The following KCTD19 variants were observed in gnomAD, a reference collection of about 807,000 sequenced individuals.
KCTD19 encodes the protein BTB/POZ domain-containing protein KCTD19.
KCTD19 carries 67 observed loss-of-function variants against 103.5 expected under a neutral mutation model. The observed-to-expected ratio is 0.65, with a 90% CI of 0.53 to 0.79. The LOEUF is 0.79. Among genes scored for constraint, KCTD19 ranks in the 30% least tolerant of loss-of-function variants. The pLI, the probability that KCTD19 is intolerant of heterozygous loss-of-function variation, is 0.00. For synonymous variants in KCTD19, 439 were observed against 452.2 expected, an observed-to-expected ratio of 0.97 and a Z score of 0.37; for missense variants, 980 against 1,136.1, an observed-to-expected ratio of 0.86 and a Z score of 1.98.
chr16:67,323,170 T>C lies in KCTD19; in HGVS notation c.4-2285A>G, dbSNP rs1453404984. Among the ~76,000 whole-genome samples the C allele has an allele frequency of 6.6e-6, 1 of 152,226 alleles. No individual in the cohort carries two copies. The highest frequency in any genetic ancestry group is 2.4e-5 in the African/African-American group (1 of 41,474). On this transcript the variant is annotated intron_variant, in intron 1 of 15. Transcript: ENST00000304372. This position sits in a 1 kb window ranked among gnomAD's most constrained non-coding sequence, Gnocchi z 4.1. ...CCTGAAAATGTAAAGCATGGAGTTATTCTACTATGAGCCAGCAATTCCACT... is the reference window on the plus strand; with the variant it reads ...CCTGAAAATGTAAAGCATGGAGTTACTCTACTATGAGCCAGCAATTCCACT...
At position 67,296,212 on chromosome 16, in the gene KCTD19, T is replaced by G; in HGVS notation, c.1195A>C (p.Lys399Gln). 6.2e-7 allele frequency: 1 copy of G among 1,613,886 alleles called. No individual in the cohort carries two copies. Among genetic ancestry groups the G allele is most frequent in the Non-Finnish European group, 8.5e-7 (1 of 1,179,780 alleles). ...ITVYSPQQII[K>Q]VYVGSHWYAT... ...TACCAGTGGCTTCCAACATACACTT[T>G]GATGATCTGTTGTGGGGAATACACA... Residue 399 changes from lysine (K) to glutamine (Q), a missense_variant, in exon 8 of 16, where the codon AAA (lysine) becomes CAA (glutamine). By Grantham distance (53) the Lys-to-Gln change is moderately conservative. Coordinates refer to ENST00000304372, the MANE Select transcript of KCTD19 (RefSeq NM_001100915.3).
intron 8 of KCTD19, 180 bp downstream of exon 8, chr16:67,295,979 G>A (rs1221551931): frequency 1.2e-5 from 7 of 569,294 alleles, no homozygotes; most frequent in South Asian, 5.7e-5. Context: ...TCCTGATCTC[G>A]TGATCTGCCC....
intron 2 of KCTD19, among the ~76,000 whole-genome samples, chr16:67,309,851 A>T (rs907634666): frequency 6.6e-5 from 10 of 152,156 alleles, no homozygotes; most frequent in Admixed American, 6.5e-4. Flanking sequence ...GGAGAGAATG[A>T]TCTATTTTGC....
rs371246749 is a variant in KCTD19 at position 67,320,631 on chromosome 16, C to T, written c.258G>A (p.Leu86=). The change falls in exon 2 of 16, where the codon CTG becomes CTA. Residue 86 remains leucine (L), a synonymous_variant. Coordinates refer to ENST00000304372, the MANE Select transcript of KCTD19 (RefSeq NM_001100915.3). The surrounding 1 kb of genome is among the most constrained non-coding windows in gnomAD (Gnocchi z 4.0). ...SFSSCAELNL[L]YEQALGLQLM... ...GCTGCAAACCCAATGCTTGCTCATA[C>T]AGCAAGTTCAGTTCTGCACAACTGG... The T allele has an allele frequency of 4.5e-5, 73 of 1,614,212 alleles. No individual in the cohort carries two copies. The Middle Eastern group carries it at 6.6e-4, about 15-fold the overall frequency.
chr16:67,320,508 C>T lies in KCTD19; in HGVS notation c.300+81G>A. Reference sequence around the variant, plus strand: ...CCATTAAGAGGGTCATCTCAGCAACCAATATATAACAGGAAACAATATTTA... The same window carrying T: ...CCATTAAGAGGGTCATCTCAGCAACTAATATATAACAGGAAACAATATTTA... On this transcript the variant is annotated intron_variant, in intron 2 of 15. Coordinates refer to ENST00000304372, the MANE Select transcript of KCTD19 (RefSeq NM_001100915.3). This position sits in a 1 kb window ranked among gnomAD's most constrained non-coding sequence, Gnocchi z 4.0. 1 of 1,382,186 alleles carries T rather than the reference C, an allele frequency of 7.2e-7. No homozygotes were observed. The highest frequency in any genetic ancestry group is 1.4e-5 in the South Asian group (1 of 73,908). The allele number at this position is 1,382,186 out of a possible 1,614,324, so 85.6% of individuals were successfully genotyped here. A position where few individuals can be genotyped will look rare whatever the true frequency, so the allele number is the denominator to read the frequency against.
At chr16:67,325,689 C>G (rs560807612) in intron 1 of KCTD19, among the ~76,000 whole-genome samples, 64 of 152,260 alleles carry the variant, frequency 4.2e-4, no homozygotes, top group Admixed American at 3.1e-3. Context: ...AAAGACTACT[C>G]AGGGGCTGGT....
rs770505785 is a variant in KCTD19 at position 67,326,729 on chromosome 16, C to T, written c.-22G>A. ...CCATGGTCGCGGCTCCAGCAGCGGG[C>T]GGGCGGGCTTGTGACCCGGCCAATA... On this transcript the variant is annotated 5_prime_UTR_variant, in exon 1 of 16. Transcript: ENST00000304372. 2.5e-6 allele frequency: 4 copies of T among 1,571,520 alleles called. No homozygotes were observed. Among genetic ancestry groups the T allele is most frequent in the East Asian group, 2.5e-5 (1 of 39,648 alleles).
rs2036871718 is a variant in KCTD19 at position 67,304,566 on chromosome 16, T to C, written c.306A>G (p.Leu102=). ...GLQLMPLLQT[L]DNLKEGKHHL... ...GGTGTTTCCCTTCCTTCAGGTTATCTAGAGTCTGTTAGATAATGAAGAGTA... is the reference window on the plus strand; with the variant it reads ...GGTGTTTCCCTTCCTTCAGGTTATCCAGAGTCTGTTAGATAATGAAGAGTA... The change falls in exon 3 of 16, where the codon CTA becomes CTG. Residue 102 remains leucine, a synonymous_variant. Transcript: ENST00000304372. 5 of 1,613,286 alleles carry C rather than the reference T, an allele frequency of 3.1e-6. No individual in the cohort carries two copies. The highest frequency in any genetic ancestry group is 1.3e-5 in the African/African-American group (1 of 74,894).
intron 5 of KCTD19, chr16:67,301,477 C>T (rs531611226): frequency 2.9e-4 from 64 of 221,738 alleles, no homozygotes; most frequent in Admixed American, 1.0e-3. Flanking sequence ...CCTGAGAAGC[C>T]TGCCTTCAGG....
In KCTD19 at chr16:67,291,745, T is replaced by C; in HGVS notation, c.2311A>G (p.Ser771Gly). Residue 771 changes from serine (S) to glycine (G), a missense_variant, in exon 13 of 16, where the codon AGC (serine) becomes GGC (glycine). Coordinates refer to ENST00000304372, the MANE Select transcript of KCTD19 (RefSeq NM_001100915.3). The stretch of plus-strand genomic sequence containing the variant: ...TCAAAGAACATGCAGAAGCCATCGC[T>C]GCCCACCACGGGGGGGTGAGTCACT... Reference protein sequence around the residue: ...LKVTHPPVVGSDGFCMFFEDS... With the variant: ...LKVTHPPVVGGDGFCMFFEDS... 6.2e-7 allele frequency: 1 copy of C among 1,614,086 alleles called. No individual in the cohort carries two copies. The highest frequency in any genetic ancestry group is 8.5e-7 in the Non-Finnish European group (1 of 1,179,988).
At chr16:67,295,497 A>G (rs1319535094) in intron 8 of KCTD19, 92 bp from the exon 9 acceptor site, 9 of 1,214,856 alleles carry the variant, frequency 7.4e-6, no homozygotes, top group Admixed American at 2.2e-5. Flanking sequence ...TTCCAACTAC[A>G]CTAGAGCAGA....
chr16:67,312,533 C>T lies in KCTD19; in HGVS notation c.301-7962G>A, dbSNP rs547286252. ...TTTTATCTCTAGGCCTAACTGTTTCCATGAATTCCAGACCTGTACATCCCG... is the reference window on the plus strand; with the variant it reads ...TTTTATCTCTAGGCCTAACTGTTTCTATGAATTCCAGACCTGTACATCCCG... On this transcript the variant is annotated intron_variant, in intron 2 of 15. Transcript: ENST00000304372. 3.3e-5 allele frequency among the ~76,000 whole-genome samples: 5 copies of T among 152,286 alleles called. No homozygotes were observed. In the South Asian group the frequency reaches 1.0e-3, roughly 32 times the overall value.
chr16:67,290,829 C>T, intron 15 of KCTD19, 56 bp downstream of exon 15: 3 of 1,464,272 alleles, frequency 2.0e-6, no homozygotes, highest in South Asian at 2.5e-5. Flanking sequence ...AGACACACGT[C>T]CATCTGAGGC....
intron 1 of KCTD19, among the ~76,000 whole-genome samples, chr16:67,325,320 T>TCAGCCTC (rs2142530539): frequency 6.6e-6 from 1 of 150,798 alleles, no homozygotes; most frequent in Admixed American, 6.6e-5. Flanking sequence ...TTCTCCTGCC[T>TCAGCCTC]CAGCCTCCAG....
chr16:67,325,904 A>T (rs2037154995), intron 1 of KCTD19: 1 of 150,586 alleles, frequency 6.6e-6, no homozygotes, highest in Admixed American at 6.6e-5. Flanking sequence ...CCGTCCAAGT[A>T]AATTTCTTAC....
rs996165480 is a variant in KCTD19 at position 67,293,443 on chromosome 16, G to A, written c.2218+101C>T. ...AGAGATGGCATTGGTGAGCGGGGGG[G>A]TCTAGTCCTCCTTTGTCACTAACTT... On this transcript the variant is annotated intron_variant, in intron 12 of 15. Coordinates refer to ENST00000304372, the MANE Select transcript of KCTD19 (RefSeq NM_001100915.3). This position sits in a 1 kb window ranked among gnomAD's most constrained non-coding sequence, Gnocchi z 4.0. 7.6e-7 allele frequency: 1 copy of A among 1,322,380 alleles called. No homozygotes were observed. Among genetic ancestry groups the A allele is most frequent in the Non-Finnish European group, 1.1e-6 (1 of 950,462 alleles). The allele number at this position is 1,322,380 out of a possible 1,614,324, so 81.9% of individuals were successfully genotyped here.
At chr16:67,310,499 C>A (rs961688183) in intron 2 of KCTD19, among the ~76,000 whole-genome samples, 110 of 152,252 alleles carry the variant, frequency 7.2e-4, no homozygotes, top group African/African-American at 2.6e-3. Context: ...CATGTTACGA[C>A]CTGGAAAAAG....
intron 2 of KCTD19, among the ~76,000 whole-genome samples, chr16:67,315,404 C>T (rs1213157458): frequency 6.6e-6 from 1 of 151,808 alleles, no homozygotes; most frequent in African/African-American, 2.4e-5. Flanking sequence ...ATCCTGGATT[C>T]AAGCGACACT....
chr16:67,299,737 A>AT (rs1296279676), intron 5 of KCTD19, 164 bp from the exon 6 acceptor site: 11 of 600,546 alleles, frequency 1.8e-5, no homozygotes, highest in Non-Finnish European at 2.9e-5. Context: ...AATTAGTATA[A>AT]TTTTTTTGTA....
Sources: allele counts gnomAD v4.1 joint callset (sites outside exome capture counted in the v4.1 genomes callset), GRCh38; gene constraint gnomAD v4.1.1; non-coding constraint Gnocchi (gnomAD v3.1); transcripts MANE v1.5; gene names NCBI Gene and HGNC (gene_info 2026-07-23, HGNC 2026-07-21).